Variants in GSTCD observed in about 807,000 individuals in gnomAD.
The protein encoded by GSTCD is glutathione S-transferase C-terminal domain containing.
Under a neutral mutation model 68.3 loss-of-function variants are expected in GSTCD, and 44 were observed. The ratio of observed to expected loss-of-function variants is 0.64; its 90% confidence interval spans 0.51 to 0.83. The LOEUF (loss-of-function observed/expected upper bound fraction) is 0.83. GSTCD is among the 40% of genes least tolerant of loss of function. The pLI, the probability that GSTCD is intolerant of heterozygous loss-of-function variation, is 0.00. For synonymous variants in GSTCD, 273 were observed against 255.2 expected (o/e 1.07, Z -0.67); for missense variants, 739 against 735.9 (o/e 1.00, Z -0.05).
chr4:105,731,805 T>G (rs1435142599), intron 5 of GSTCD, among the ~76,000 whole-genome samples: 1 of 152,342 alleles, frequency 6.6e-6, no homozygotes, highest in Middle Eastern at 3.4e-3. Context: ...TTTTTGCCCA[T>G]TCAGTATGAT....
At chr4:105,764,923 G>A (rs1373551656) in intron 5 of GSTCD, among the ~76,000 whole-genome samples, 1 of 152,024 alleles carries the variant, frequency 6.6e-6, no homozygotes, top group African/African-American at 2.4e-5. Context: ...AAACTTCGAG[G>A]TGTTTTGTAT....
chr4:105,791,372 A>G lies in GSTCD; in HGVS notation c.1241-31582A>G, dbSNP rs927380403. Among the ~76,000 whole-genome samples the G allele has an allele frequency of 2.1e-4, 32 of 150,494 alleles. 1 individual carries two copies. The highest frequency in any genetic ancestry group is 2.6e-4 in the Admixed American group (4 of 15,132). On this transcript the variant is annotated intron_variant, in intron 5 of 11. Transcript: ENST00000515279. ...CGCGCCACTGCACTCCAGCCTGGGC[A>G]ACAGAGCGAGACTCCGTCTCAAAAA...
At chr4:105,712,877 G>C (rs1190402229) in intron 1 of GSTCD, among the ~76,000 whole-genome samples, 2 of 152,168 alleles carry the variant, frequency 1.3e-5, no homozygotes, top group East Asian at 3.9e-4. Context: ...TCCACATGGA[G>C]ATGTCAAGTA....
intron 5 of GSTCD, chr4:105,820,685 A>G (rs1578507249): frequency 6.6e-6 from 1 of 151,830 alleles, no homozygotes; most frequent in Non-Finnish European, 1.5e-5. Flanking sequence ...TTTTAGCTCA[A>G]TCTCTGTGAA....
chr4:105,728,781 G>A (rs951117281), intron 4 of GSTCD, among the ~76,000 whole-genome samples: 6 of 152,054 alleles, frequency 3.9e-5, no homozygotes, highest in East Asian at 3.9e-4. Flanking sequence ...GCCACTGTAC[G>A]TAGATCAAAT....
At chr4:105,775,478 G>C (rs192317042) in intron 5 of GSTCD, among the ~76,000 whole-genome samples, 3 of 152,262 alleles carry the variant, frequency 2.0e-5, no homozygotes, top group African/African-American at 7.2e-5. Context: ...CATCATCTTC[G>C]TGGATTTATC....
chr4:105,743,197 C>G (rs920623734), intron 5 of GSTCD, among the ~76,000 whole-genome samples: 154 of 152,036 alleles, frequency 1.0e-3, no homozygotes, highest in Middle Eastern at 3.4e-3. Context: ...TGATCTGCCC[C>G]CCTTGGCCTC....
At position 105,845,634 on chromosome 4, in the gene GSTCD, G is replaced by A; in HGVS notation, c.*57G>A. 4 of 1,580,566 alleles carry A rather than the reference G, an allele frequency of 2.5e-6. No homozygotes were observed. Among genetic ancestry groups the A allele is most frequent in the South Asian group, 1.1e-5 (1 of 90,126 alleles). ...CCGTCTTCACGTTGGATGCCCAGTG[G>A]CATTCAGGAGGTTCTTGGCATAACT... On this transcript the variant is annotated 3_prime_UTR_variant, in exon 12 of 12. Transcript: ENST00000515279.
chr4:105,812,143 T>C (rs1346603587), intron 5 of GSTCD, among the ~76,000 whole-genome samples: 2 of 152,178 alleles, frequency 1.3e-5, no homozygotes, highest in Non-Finnish European at 1.5e-5. Context: ...TTCTGATAAA[T>C]GTTACGCATC....
At chr4:105,747,032 G>C (rs1322723938) in intron 5 of GSTCD, among the ~76,000 whole-genome samples, 3 of 152,138 alleles carry the variant, frequency 2.0e-5, no homozygotes, top group African/African-American at 7.2e-5. Context: ...GCAGATACAA[G>C]GTGAAGAATG....
chr4:105,730,058 C>A (rs1442869694), intron 5 of GSTCD, among the ~76,000 whole-genome samples: 1 of 152,222 alleles, frequency 6.6e-6, no homozygotes, highest in Non-Finnish European at 1.5e-5. Flanking sequence ...CATGTCCCTA[C>A]AAAGGACATG....
chr4:105,725,446 C>T (rs551321510), intron 3 of GSTCD, among the ~76,000 whole-genome samples: 1 of 152,202 alleles, frequency 6.6e-6, no homozygotes, highest in South Asian at 2.1e-4. Flanking sequence ...ATTTTTCATT[C>T]CCACCAGCAG....
intron 5 of GSTCD, among the ~76,000 whole-genome samples, chr4:105,741,323 G>C (rs775974077): frequency 1.3e-5 from 2 of 152,038 alleles, no homozygotes; most frequent in Non-Finnish European, 2.9e-5. Context: ...TTTATTAATT[G>C]TATACAAAGA....
rs375537564 is a variant in GSTCD, at chr4:105,800,787, G to C, written c.1241-22167G>C. 3.0e-4 allele frequency among the ~76,000 whole-genome samples: 46 copies of C among 152,240 alleles called. 2 individuals are homozygous for C. In the East Asian group the frequency reaches 4.4e-3, roughly 15 times the overall value. Reference sequence around the variant, plus strand: ...CTGAGTTGGCAAATACTGAACCACTGCTCCTGGGGAAATATAGGGTTAGGT... The same window carrying C: ...CTGAGTTGGCAAATACTGAACCACTCCTCCTGGGGAAATATAGGGTTAGGT... On this transcript the variant is annotated intron_variant, in intron 5 of 11. Coordinates refer to ENST00000515279, the MANE Select transcript of GSTCD (RefSeq NM_001370181.1).
chr4:105,729,246 T>C (rs920907964), intron 4 of GSTCD, among the ~76,000 whole-genome samples, 160 bp from the exon 5 acceptor site: 3 of 152,162 alleles, frequency 2.0e-5, no homozygotes, highest in Non-Finnish European at 2.9e-5. Flanking sequence ...CAACACATGG[T>C]ATTTTTATTT....
chr4:105,728,447 T>C (rs917025107), intron 4 of GSTCD, among the ~76,000 whole-genome samples: 4 of 152,136 alleles, frequency 2.6e-5, no homozygotes, highest in Admixed American at 2.0e-4. Context: ...TGTTTGTCTT[T>C]CTGGAGGCAA....
At chr4:105,825,836 C>T in intron 8 of GSTCD, 36 bp downstream of exon 8, 1 of 1,307,910 alleles carries the variant, frequency 7.6e-7, no homozygotes, top group Non-Finnish European at 1.1e-6. Context: ...CTTTAATTAG[C>T]TAAATAAGAA....
chr4:105,739,060 A>G (rs1428860447), intron 5 of GSTCD, among the ~76,000 whole-genome samples: 1 of 152,184 alleles, frequency 6.6e-6, no homozygotes, highest in Non-Finnish European at 1.5e-5. Flanking sequence ...GTTGAATTTT[A>G]TCAACTGCAT....
rs562306792 is a variant in GSTCD at position 105,721,334 on chromosome 4, G to A, written c.894+1807G>A. Among the ~76,000 whole-genome samples, 44 of 152,244 alleles carry A rather than the reference G, an allele frequency of 2.9e-4. No individual in the cohort carries two copies. In the Middle Eastern group the frequency reaches 0.017, roughly 59 times the overall value. ...TCATTTTAATTCATATAGTGGTTAT[G>A]TTGGCAAGCCTTTTTGCTTGCATTA... On this transcript the variant is annotated intron_variant, in intron 3 of 11. Coordinates refer to ENST00000515279, the MANE Select transcript of GSTCD (RefSeq NM_001370181.1).
Sources: gnomAD v4.1 joint callset for allele counts (sites outside exome capture counted in the v4.1 genomes callset) on GRCh38, gnomAD v4.1.1 for gene constraint, MANE v1.5 for transcripts, NCBI Gene and HGNC (gene_info 2026-07-23, HGNC 2026-07-21) for gene names.